AGAP1: variants seen among roughly 807,000 people sequenced by gnomAD.
The protein encoded by AGAP1 is arf-GAP with GTPase, ANK repeat and PH domain-containing protein 1.
In AGAP1, 29 loss-of-function variants were observed where a neutral mutation model predicts 105.3. That is an observed-to-expected ratio of 0.28 (90% confidence interval 0.21 to 0.38). The LOEUF (loss-of-function observed/expected upper bound fraction) is 0.38, where lower values mean the gene tolerates loss of function less well. AGAP1 is among the 10% of genes least tolerant of loss of function. The pLI is 1.00. For synonymous variants in AGAP1, 509 were observed against 485.9 expected (o/e 1.05, Z -0.63); for missense variants, 998 against 1,165.1 (o/e 0.86, Z 2.09).
intron 1 of AGAP1, among the ~76,000 whole-genome samples, chr2:235,588,969 C>T (rs894851023): frequency 1.3e-5 from 2 of 152,034 alleles, no homozygotes; most frequent in Admixed American, 6.6e-5. Flanking sequence ...TCCCACTGTT[C>T]GTTGTGCTCG....
rs772724297 is a variant in AGAP1 at position 236,003,744 on chromosome 2, C to G, written c.1646-32817C>G. Among the ~76,000 whole-genome samples, 3 of 152,092 alleles carry G rather than the reference C, an allele frequency of 2.0e-5. No homozygotes were observed. The highest frequency in any genetic ancestry group is 7.2e-5 in the African/African-American group (3 of 41,422). The stretch of plus-strand genomic sequence containing the variant: ...TAACCCCACTGAAACCTGACAAGGC[C>G]TGTGTGCAGCTCACTGTGGAGGGGT... On this transcript the variant is annotated intron_variant, in intron 13 of 17. Transcript: ENST00000304032. The surrounding 1 kb of genome is among the most constrained non-coding windows in gnomAD (Gnocchi z 4.2).
intron 9 of AGAP1, among the ~76,000 whole-genome samples, chr2:235,862,986 C>T (rs1341897949): frequency 6.6e-6 from 1 of 152,220 alleles, no homozygotes; most frequent in Non-Finnish European, 1.5e-5. Context: ...ATTTGGAGCC[C>T]ACAGACAATG....
chr2:235,755,617 A>T (rs1228659192), intron 6 of AGAP1, among the ~76,000 whole-genome samples: 1 of 152,150 alleles, frequency 6.6e-6, no homozygotes, highest in East Asian at 1.9e-4. Context: ...CTTTTTGGCT[A>T]TTTAGTAGAG....
chr2:235,956,703 G>A (rs1185041490), intron 12 of AGAP1, among the ~76,000 whole-genome samples: 1 of 152,218 alleles, frequency 6.6e-6, no homozygotes, highest in Non-Finnish European at 1.5e-5. Flanking sequence ...ACCCCTTCAG[G>A]GTAGGGCCCC....
rs1393060460 is a variant in AGAP1, at chr2:235,633,068, T to A, written c.164-76111T>A. On this transcript the variant is annotated intron_variant, in intron 1 of 17. Transcript: ENST00000304032. This position sits in a 1 kb window ranked among gnomAD's most constrained non-coding sequence, Gnocchi z 4.8. ...TTTTGAGTTCTGCTTTTGCTTGAACTTCTAGCGGCAGAAAGGGGGTGATCC... is the reference window on the plus strand; with the variant it reads ...TTTTGAGTTCTGCTTTTGCTTGAACATCTAGCGGCAGAAAGGGGGTGATCC... Among the ~76,000 whole-genome samples the A allele has an allele frequency of 6.6e-6, 1 of 152,098 alleles. No individual in the cohort carries two copies. The highest frequency in any genetic ancestry group is 2.4e-5 in the African/African-American group (1 of 41,412).
At chr2:235,522,925 A>G (rs769076504) in intron 1 of AGAP1, among the ~76,000 whole-genome samples, 1 of 152,212 alleles carries the variant, frequency 6.6e-6, no homozygotes, top group Non-Finnish European at 1.5e-5. Context: ...GGTGGATGTC[A>G]TGTGGGTGAC....
chr2:235,797,658 A>G, intron 6 of AGAP1, 101 bp from the exon 7 acceptor site: 11 of 1,454,590 alleles, frequency 7.6e-6, no homozygotes, highest in Non-Finnish European at 1.0e-5. Flanking sequence ...ACTGCGAAAG[A>G]AGGAAATAAC....
intron 11 of AGAP1, among the ~76,000 whole-genome samples, chr2:235,909,507 A>G (rs559092529): frequency 4.6e-5 from 7 of 152,238 alleles, no homozygotes; most frequent in South Asian, 2.1e-4. Context: ...CCAAAATGAC[A>G]TTGTTCATTT....
In AGAP1 at chr2:235,612,716, G is replaced by GA. The variant is rs1946172466; in HGVS notation, c.164-96463_164-96462insA. Among the ~76,000 whole-genome samples, 1 of 150,216 alleles carries GA rather than the reference G, an allele frequency of 6.7e-6. No individual in the cohort carries two copies. Among genetic ancestry groups the GA allele is most frequent in the Non-Finnish European group, 1.5e-5 (1 of 67,656 alleles). The stretch of plus-strand genomic sequence containing the variant: ...GGGCACAGTGGTCCTTTTGCATGGG[G>GA]TGGCCGGCCAGGTGTGCTGAGTGCC... On this transcript the variant is annotated intron_variant, in intron 1 of 17. Transcript: ENST00000304032. The surrounding 1 kb of genome is among the most constrained non-coding windows in gnomAD (Gnocchi z 4.3).
Position 235,693,750 on chromosome 2 carries a change from A to G in AGAP1, c.164-15429A>G, listed in dbSNP as rs186856537. ...GCTATTCTCATAGGAGGATGTAGAA[A>G]TTAGATAAGAGTTAACTGAGAATAG... On this transcript the variant is annotated intron_variant, in intron 1 of 17. Transcript: ENST00000304032. Among the ~76,000 whole-genome samples, 166 of 152,338 alleles carry G rather than the reference A, an allele frequency of 1.1e-3. 1 individual carries two copies. The South Asian group carries it at 0.013, about 12-fold the overall frequency.
rs1434748272 is a variant in AGAP1 at position 236,046,734 on chromosome 2, C to A, written c.1892-2325C>A. On this transcript the variant is annotated intron_variant, in intron 15 of 17. Coordinates refer to ENST00000304032, the MANE Select transcript of AGAP1 (RefSeq NM_001037131.3). The surrounding 1 kb of genome is among the most constrained non-coding windows in gnomAD (Gnocchi z 5.2). Reference sequence around the variant, plus strand: ...TACACAGTCAGAAGAGATGACCCCACAGGAGCCCTGAGGTCAGGGAGGAAG... The same window carrying A: ...TACACAGTCAGAAGAGATGACCCCAAAGGAGCCCTGAGGTCAGGGAGGAAG... Among the ~76,000 whole-genome samples the A allele has an allele frequency of 1.3e-5, 2 of 152,158 alleles. No homozygotes were observed. The highest frequency in any genetic ancestry group is 2.9e-5 in the Non-Finnish European group (2 of 68,032).
chr2:236,105,035 G>A lies in AGAP1; in HGVS notation c.2115-15157G>A, dbSNP rs559186798. The stretch of plus-strand genomic sequence containing the variant: ...ACTCTGGCAGGTTAGCATCAGGAGA[G>A]ACACTGTCCTGGCTGCTGGGTGGGA... On this transcript the variant is annotated intron_variant, in intron 16 of 17. Coordinates refer to ENST00000304032, the MANE Select transcript of AGAP1 (RefSeq NM_001037131.3). The surrounding 1 kb of genome is among the most constrained non-coding windows in gnomAD (Gnocchi z 4.2). 2.6e-5 allele frequency among the ~76,000 whole-genome samples: 4 copies of A among 152,096 alleles called. No individual in the cohort carries two copies. The highest frequency in any genetic ancestry group is 5.9e-5 in the Non-Finnish European group (4 of 68,024).
At chr2:235,886,088 C>T (rs2050262124) in intron 10 of AGAP1, among the ~76,000 whole-genome samples, 1 of 152,182 alleles carries the variant, frequency 6.6e-6, no homozygotes, top group Admixed American at 6.5e-5. Flanking sequence ...TCCATCAGAA[C>T]AACAGCGAGG....
chr2:235,745,042 A>AAC (rs1239418378), intron 5 of AGAP1, among the ~76,000 whole-genome samples: 6 of 151,976 alleles, frequency 3.9e-5, no homozygotes, highest in South Asian at 4.2e-4. Flanking sequence ...ACCTGAAAAC[A>AAC]ACACACACAC....
chr2:235,760,564 G>T (rs1047619065), intron 6 of AGAP1, among the ~76,000 whole-genome samples: 1 of 152,118 alleles, frequency 6.6e-6, no homozygotes, highest in East Asian at 1.9e-4. Context: ...CTTGTTTCTT[G>T]TTTAGAGTTG....
chr2:235,735,621 C>T (rs978794419), intron 3 of AGAP1, among the ~76,000 whole-genome samples: 5 of 151,588 alleles, frequency 3.3e-5, no homozygotes, highest in South Asian at 2.1e-4. Flanking sequence ...CTTCCTGGTG[C>T]GCTGTTCATT....
intron 16 of AGAP1, among the ~76,000 whole-genome samples, chr2:236,110,413 A>C (rs985594064): frequency 1.3e-5 from 2 of 152,056 alleles, no homozygotes; most frequent in African/African-American, 2.4e-5. Context: ...AAAATTGAAA[A>C]TTAGCTGGGC....
chr2:235,887,987 C>T lies in AGAP1; in HGVS notation c.1155+4538C>T, dbSNP rs2050349201. 6.6e-6 allele frequency among the ~76,000 whole-genome samples: 1 copy of T among 152,166 alleles called. No homozygotes were observed. Among genetic ancestry groups the T allele is most frequent in the Admixed American group, 6.5e-5 (1 of 15,280 alleles). ...CTTGCTCGTGGTGGTGAGGCCTCTCCCTTCCGGCACAGACATTTATCTTCT... is the reference window on the plus strand; with the variant it reads ...CTTGCTCGTGGTGGTGAGGCCTCTCTCTTCCGGCACAGACATTTATCTTCT... On this transcript the variant is annotated intron_variant, in intron 10 of 17. Transcript: ENST00000304032. This position sits in a 1 kb window ranked among gnomAD's most constrained non-coding sequence, Gnocchi z 4.1.
chr2:235,797,637 G>A (rs1957302975), intron 6 of AGAP1, 122 bp from the exon 7 acceptor site: 1 of 1,295,652 alleles, frequency 7.7e-7, no homozygotes, highest in African/African-American at 1.5e-5. Context: ...CTAAGAACCA[G>A]GAATGCTATT....
Sources: allele counts gnomAD v4.1 joint callset (sites outside exome capture counted in the v4.1 genomes callset), GRCh38; gene constraint gnomAD v4.1.1; non-coding constraint Gnocchi (gnomAD v3.1); transcripts MANE v1.5; gene names NCBI Gene and HGNC (gene_info 2026-07-23, HGNC 2026-07-21).